The following WWC1 variants were observed in gnomAD, a reference collection of about 807,000 sequenced individuals.
WWC1 encodes the protein protein KIBRA.
In WWC1, 55 loss-of-function variants were observed where a neutral mutation model predicts 138.4. That is an observed-to-expected ratio of 0.40 (90% confidence interval 0.32 to 0.50). The LOEUF (loss-of-function observed/expected upper bound fraction) is 0.50. WWC1 is among the 20% of genes least tolerant of loss of function. WWC1 has a pLI of 0.72. For missense variants in WWC1, 1,226 were observed against 1,420.4 expected (o/e 0.86, Z 2.20); for synonymous variants, 524 against 564.9 (o/e 0.93, Z 1.03).
chr5:168,384,309 TATC>T (rs1203342150), intron 2 of WWC1, among the ~76,000 whole-genome samples: 2 of 152,208 alleles, frequency 1.3e-5, no homozygotes, highest in South Asian at 2.1e-4. Flanking sequence ...GAACAGCACT[TATC>T]ATAGAATCAA....
At chr5:168,321,013 G>A (rs1481087632) in intron 1 of WWC1, among the ~76,000 whole-genome samples, 3 of 152,048 alleles carry the variant, frequency 2.0e-5, no homozygotes, top group East Asian at 1.9e-4. Flanking sequence ...CTTAAATTAC[G>A]GCAGTTAGCT....
chr5:168,346,269 T>C lies in WWC1; in HGVS notation c.120-25155T>C, dbSNP rs143213762. Among the ~76,000 whole-genome samples the C allele has an allele frequency of 4.5e-4, 68 of 152,136 alleles. 1 individual carries two copies. In the East Asian group the frequency reaches 0.012, roughly 28 times the overall value. Reference sequence around the variant, plus strand: ...TGCAAGTATAAACACTGTAAGGAGATACAAGATACTTAGGAAAGCAGGGAG... The same window carrying C: ...TGCAAGTATAAACACTGTAAGGAGACACAAGATACTTAGGAAAGCAGGGAG... On this transcript the variant is annotated intron_variant, in intron 1 of 22. Coordinates refer to ENST00000265293, the MANE Select transcript of WWC1 (RefSeq NM_015238.3).
At chr5:168,336,439 G>C (rs759781310) in intron 1 of WWC1, among the ~76,000 whole-genome samples, 18 of 152,054 alleles carry the variant, frequency 1.2e-4, no homozygotes, top group Non-Finnish European at 2.5e-4. Context: ...GGGCATGGTG[G>C]CAGGCATCTG....
At chr5:168,397,174 G>A in intron 3 of WWC1, among the ~76,000 whole-genome samples, 1 of 147,510 alleles carries the variant, frequency 6.8e-6, no homozygotes, top group South Asian at 2.1e-4. Flanking sequence ...ATGGAGTCTC[G>A]CTCTGTCACC....
intron 5 of WWC1, among the ~76,000 whole-genome samples, chr5:168,405,841 C>T (rs1327282818): frequency 1.3e-5 from 2 of 151,942 alleles, no homozygotes; most frequent in African/African-American, 4.8e-5. Context: ...ATTCTCATGC[C>T]TCAGCCTCTC....
At chr5:168,382,476 T>A (rs1777714629) in intron 2 of WWC1, among the ~76,000 whole-genome samples, 1 of 152,202 alleles carries the variant, frequency 6.6e-6, no homozygotes, top group South Asian at 2.1e-4. Context: ...AAAAATCAGA[T>A]CTTCTAAAAG....
intron 1 of WWC1, among the ~76,000 whole-genome samples, chr5:168,366,853 A>G (rs1776337047): frequency 7.9e-6 from 1 of 126,840 alleles, no homozygotes; most frequent in Non-Finnish European, 1.6e-5. Flanking sequence ...TCTGGAGTGC[A>G]GTGGTGTGAT....
At chr5:168,381,223 G>T (rs1403711140) in intron 2 of WWC1, among the ~76,000 whole-genome samples, 1 of 152,134 alleles carries the variant, frequency 6.6e-6, no homozygotes, top group East Asian at 1.9e-4. Flanking sequence ...ACCTGGCTTG[G>T]CCAGACCTTC....
intron 3 of WWC1, 77 bp from the exon 4 acceptor site, chr5:168,397,646 AT>A (rs1778999872): frequency 2.0e-6 from 3 of 1,477,964 alleles, no homozygotes; most frequent in Non-Finnish European, 9.4e-7. Flanking sequence ...TTCTAGGTTT[AT>A]TTAGATGGCC....
intron 21 of WWC1, among the ~76,000 whole-genome samples, chr5:168,466,131 G>T (rs372560883): frequency 6.6e-6 from 1 of 152,138 alleles, no homozygotes; most frequent in Admixed American, 6.6e-5. Context: ...GTTTCACAGG[G>T]TATGCAAAAC....
At chr5:168,323,968 C>T (rs1190763771) in intron 1 of WWC1, among the ~76,000 whole-genome samples, 1 of 152,166 alleles carries the variant, frequency 6.6e-6, no homozygotes, top group Admixed American at 6.5e-5. Flanking sequence ...CAAACCAAAA[C>T]ATAACTGAAT....
intron 20 of WWC1, among the ~76,000 whole-genome samples, chr5:168,461,291 C>T (rs1756788121): frequency 6.6e-6 from 1 of 152,138 alleles, no homozygotes; most frequent in Non-Finnish European, 1.5e-5. Flanking sequence ...GAGATTGCGC[C>T]ACTGCACCCC....
At chr5:168,342,898 G>A (rs988680281) in intron 1 of WWC1, among the ~76,000 whole-genome samples, 8 of 152,168 alleles carry the variant, frequency 5.3e-5, no homozygotes, top group African/African-American at 1.7e-4. Flanking sequence ...GGGCAGTAGG[G>A]TTTATCCAAG....
At chr5:168,450,296 G>A (rs1394636812) in intron 17 of WWC1, among the ~76,000 whole-genome samples, 1 of 152,044 alleles carries the variant, frequency 6.6e-6, no homozygotes, top group Non-Finnish European at 1.5e-5. Flanking sequence ...ATCACCAAAA[G>A]TCCCTTCAGC....
chr5:168,318,126 G>C (rs1205552410), intron 1 of WWC1, among the ~76,000 whole-genome samples: 1 of 151,758 alleles, frequency 6.6e-6, no homozygotes, highest in Non-Finnish European at 1.5e-5. Context: ...CTTTGGCTTG[G>C]CCTGCAGATC....
At chr5:168,446,007 A>AG in intron 17 of WWC1, among the ~76,000 whole-genome samples, 1 of 152,152 alleles carries the variant, frequency 6.6e-6, no homozygotes, top group Non-Finnish European at 1.5e-5. Context: ...AAGCTTAGCC[A>AG]CTTAGCCTGC....
chr5:168,406,281 A>G lies in WWC1; in HGVS notation c.674A>G (p.Lys225Arg). 6.2e-7 allele frequency: 1 copy of G among 1,614,164 alleles called. No homozygotes were observed. Among genetic ancestry groups the G allele is most frequent in the South Asian group, 1.1e-5 (1 of 91,088 alleles). The change falls in exon 6 of 23, where the codon AAA (lysine) becomes AGA (arginine). Residue 225 changes from lysine (K) to arginine (R), a missense_variant. Lys to Arg is a conservative substitution (Grantham distance 26). Coordinates refer to ENST00000265293, the MANE Select transcript of WWC1 (RefSeq NM_015238.3). ...GTCTTGAGAGAAACAAAAGCCATCA[A>G]AAAGGCTATTACCTGTGGGGAAAAG... Reference protein sequence around the residue: ...QAVLRETKAIKKAITCGEKEK... With the variant: ...QAVLRETKAIRKAITCGEKEK...
At chr5:168,355,518 A>C (rs1460669706) in intron 1 of WWC1, among the ~76,000 whole-genome samples, 1 of 151,062 alleles carries the variant, frequency 6.6e-6, no homozygotes, top group South Asian at 2.1e-4. Flanking sequence ...AAAAAAAAAA[A>C]ACAGCATTTC....
At chr5:168,397,446 A>G (rs1167664995) in intron 3 of WWC1, among the ~76,000 whole-genome samples, 3 of 152,130 alleles carry the variant, frequency 2.0e-5, no homozygotes, top group Admixed American at 6.6e-5. Flanking sequence ...CCTGGCCCCA[A>G]ATTTAAATTA....
Sources: gnomAD v4.1 joint callset for allele counts (sites outside exome capture counted in the v4.1 genomes callset) on GRCh38, gnomAD v4.1.1 for gene constraint, MANE v1.5 for transcripts, NCBI Gene and HGNC (gene_info 2026-07-23, HGNC 2026-07-21) for gene names.